The following ZAR1 variants were observed in gnomAD, a reference collection of about 807,000 sequenced individuals.
ZAR1 encodes zygote arrest protein 1.
In ZAR1, 37 loss-of-function variants were observed where a neutral mutation model predicts 38.3. That is an observed-to-expected ratio of 0.97 (90% confidence interval 0.74 to 1.27). The LOEUF (loss-of-function observed/expected upper bound fraction) is 1.27. Ranked by LOEUF, ZAR1 falls within the 50% of genes most tolerant of loss-of-function variation. The probability of loss-of-function intolerance (pLI) is 0.00; values close to 1 mark genes in which losing one functional copy is unlikely to be tolerated. For synonymous variants in ZAR1, 336 were observed against 292.0 expected, an observed-to-expected ratio of 1.15 and a Z score of -1.53; for missense variants, 651 against 632.4, an observed-to-expected ratio of 1.03 and a Z score of -0.32.
Position 48,494,106 on chromosome 4 carries a change from TAAAC to T in ZAR1, c.1142_1145del (p.Gln381ArgfsTer7). ...TCTGTATTTTTTTCCCCCAGAGTTG[TAAAC>T]AAACGAGATGTTCCTGCCCAGTAAA... is the stretch of plus-strand genomic sequence containing the variant. On this transcript the variant is annotated frameshift_variant, in exon 4 of 4. Coordinates refer to ENST00000327939, the MANE Select transcript of ZAR1 (RefSeq NM_175619.3). LOFTEE classifies it high-confidence loss of function. The T allele has an allele frequency of 6.2e-7, 1 of 1,612,844 alleles. No homozygotes were observed. The highest frequency in any genetic ancestry group is 8.5e-7 in the Non-Finnish European group (1 of 1,179,112).
At chr4:48,495,329 C>G (rs760098837), downstream of ZAR1, among the ~76,000 whole-genome samples, 12 of 152,188 alleles carry the variant, frequency 7.9e-5, no homozygotes, top group Non-Finnish European at 1.6e-4. Context: ...AACAAACATC[C>G]CACTTAAGTG....
chr4:48,494,990 T>TC (rs1718546741), downstream of ZAR1, among the ~76,000 whole-genome samples: 1 of 152,184 alleles, frequency 6.6e-6, no homozygotes, highest in Non-Finnish European at 1.5e-5. Flanking sequence ...GAATAACCTA[T>TC]CAAGTAGACT....
At chr4:48,491,332 T>A (rs1041379411) in intron 1 of ZAR1, 78 bp downstream of exon 1, 2 of 1,111,990 alleles carry the variant, frequency 1.8e-6, no homozygotes, top group Non-Finnish European at 2.3e-6. Flanking sequence ...TGTGACTGCT[T>A]CGGGCACTCG....
Position 48,490,696 on chromosome 4 carries a change from G to C in ZAR1, c.405G>C (p.Glu135Asp). The change falls in exon 1 of 4, where the codon GAG becomes GAC. Residue 135 changes from glutamate to aspartate, a missense_variant. Physicochemically the swap from Glu to Asp is conservative, Grantham distance 45 (BLOSUM62 2). Around this residue, in one of 2 missense-constraint regions of ZAR1, gnomAD observed 522 missense variants for 459.9 expected, o/e 1.14. Transcript: ENST00000327939. Reference protein sequence around the residue: ...RTLQRRARDPESPAGPGAEGT... With the variant: ...RTLQRRARDPDSPAGPGAEGT... ...TGCAGCGCCGGGCCCGCGACCCCGAGTCCCCGGCCGGCCCCGGGGCCGAGG... is the reference window on the plus strand; with the variant it reads ...TGCAGCGCCGGGCCCGCGACCCCGACTCCCCGGCCGGCCCCGGGGCCGAGG... The C allele has an allele frequency of 1.7e-5, 23 of 1,317,828 alleles. No individual in the cohort carries two copies. The highest frequency in any genetic ancestry group is 2.2e-5 in the Non-Finnish European group (23 of 1,038,504). 81.6% of individuals were successfully genotyped at this position (1,317,828 alleles called of 1,614,324 possible). A position where few individuals can be genotyped will look rare whatever the true frequency, so the allele number is the denominator to read the frequency against.
At chr4:48,493,081 T>C in intron 3 of ZAR1, 69 bp downstream of exon 3, 6 of 1,486,530 alleles carry the variant, frequency 4.0e-6, no homozygotes, top group Non-Finnish European at 5.6e-6. Flanking sequence ...AGTTTGAGTA[T>C]ACTTCCAAAA....
rs1245037574 is a variant in ZAR1, at chr4:48,490,396, G to T, written c.105G>T (p.Ala35=). 6.7e-7 allele frequency: 1 copy of T among 1,495,402 alleles called. No homozygotes were observed. The allele number at this position is 1,495,402 out of a possible 1,614,324, so 92.6% of individuals were successfully genotyped here. A position where few individuals can be genotyped will look rare whatever the true frequency, so the allele number is the denominator to read the frequency against. Residue 35 remains alanine, a synonymous_variant, in exon 1 of 4, where the codon GCG becomes GCT. Coordinates refer to ENST00000327939, the MANE Select transcript of ZAR1 (RefSeq NM_175619.3). ...PYPAATKGKG[A]AGGSWQQRGR... ...CCGCGGCCACCAAGGGCAAGGGCGC[G>T]GCGGGCGGCAGCTGGCAGCAGCGCG... is the stretch of plus-strand genomic sequence containing the variant.
rs761136047 is a variant in ZAR1 at position 48,494,086 on chromosome 4, AT to A, written c.1132-8del. 33 of 1,608,620 alleles carry A rather than the reference AT, an allele frequency of 2.1e-5. No homozygotes were observed. In the East Asian group the frequency reaches 3.6e-4, roughly 17 times the overall value. ...GTTTATCTTCTGCATGCCCTTCTGT[AT>A]TTTTTTCCCCCAGAGTTGTAAACAA... On this transcript the variant is annotated splice_polypyrimidine_tract_variant and intron_variant, in intron 3 of 3. Coordinates refer to ENST00000327939, the MANE Select transcript of ZAR1 (RefSeq NM_175619.3).
At chr4:48,491,283 G>A in intron 1 of ZAR1, 29 bp downstream of exon 1, 1 of 1,227,356 alleles carries the variant, frequency 8.1e-7, no homozygotes, top group Non-Finnish European at 1.0e-6. Flanking sequence ...AGGGCACAGG[G>A]GAGCCCGGGG....
rs1363734654 is a variant in ZAR1 at position 48,490,548 on chromosome 4, T to C, written c.257T>C (p.Leu86Pro). Residue 86 changes from leucine (L) to proline (P), a missense_variant, in exon 1 of 4, where the codon CTC becomes CCC. This residue lies in a region of ZAR1 where 522 missense variants were observed against 459.9 expected (regional missense o/e 1.14). Coordinates refer to ENST00000327939, the MANE Select transcript of ZAR1 (RefSeq NM_175619.3). ...DSYQRERLMA[L>P]LAQVGPGLGP... ...TACCAGCGGGAGCGGCTCATGGCTC[T>C]CCTGGCGCAGGTGGGGCCGGGTCTC... 1.6e-5 allele frequency: 23 copies of C among 1,446,738 alleles called. No individual in the cohort carries two copies. The East Asian group carries it at 6.5e-4, about 41-fold the overall frequency. The allele number at this position is 1,446,738 out of a possible 1,614,324, so 89.6% of individuals were successfully genotyped here.
Position 48,490,832 on chromosome 4 carries a change from G to A in ZAR1, c.541G>A (p.Val181Met). The change falls in exon 1 of 4, where the codon GTG (valine) becomes ATG (methionine). Residue 181 changes from valine to methionine, a missense_variant. By Grantham distance (21) the Val-to-Met change is conservative. Coordinates refer to ENST00000327939, the MANE Select transcript of ZAR1 (RefSeq NM_175619.3). ...CATGCGCTTCCCGCGCACCGTCGCC[G>A]TGTACTCGCCCCTGGCCTTGCGCCG... ...RPMRFPRTVA[V>M]YSPLALRRLT... is the part of the protein sequence containing the mutation. 1.3e-6 allele frequency: 2 copies of A among 1,504,380 alleles called. No individual in the cohort carries two copies. Among genetic ancestry groups the A allele is most frequent in the African/African-American group, 1.4e-5 (1 of 69,798 alleles). 93.2% of individuals were successfully genotyped at this position (1,504,380 alleles called of 1,614,324 possible).
Position 48,490,711 on chromosome 4 carries a change from CG to C in ZAR1, c.424del (p.Ala142ProfsTer137). The C allele has an allele frequency of 1.5e-6, 2 of 1,336,210 alleles. No homozygotes were observed. The highest frequency in any genetic ancestry group is 9.5e-7 in the Non-Finnish European group (1 of 1,048,064). The allele number at this position is 1,336,210 out of a possible 1,614,324, so 82.8% of individuals were successfully genotyped here. ...ARDPESPAGP[G>X]AEGTTGGGSF... ...GCGACCCCGAGTCCCCGGCCGGCCC[CG>C]GGGCCGAGGGCACCACGGGTGGCGG... On this transcript the variant is annotated frameshift_variant, in exon 1 of 4. Coordinates refer to ENST00000327939, the MANE Select transcript of ZAR1 (RefSeq NM_175619.3). LOFTEE classifies it high-confidence loss of function.
In ZAR1 at chr4:48,490,718, G is replaced by T; in HGVS notation, c.427G>T (p.Glu143Ter). The T allele has an allele frequency of 4.5e-6, 6 of 1,346,912 alleles. No homozygotes were observed. The highest frequency in any genetic ancestry group is 5.7e-6 in the Non-Finnish European group (6 of 1,053,532). The allele number at this position is 1,346,912 out of a possible 1,614,324, so 83.4% of individuals were successfully genotyped here. ...DPESPAGPGA[E>*]GTTGGGSFSQ... ...CGAGTCCCCGGCCGGCCCCGGGGCC[G>T]AGGGCACCACGGGTGGCGGCTCTTT... The change falls in exon 1 of 4, where the codon GAG (glutamate) becomes TAG (stop). Residue 143 changes from glutamate to a stop codon, truncating the protein, a stop_gained. Transcript: ENST00000327939. LOFTEE classifies it high-confidence loss of function.
chr4:48,491,208 C>T lies in ZAR1; in HGVS notation c.917C>T (p.Pro306Leu). Reference sequence around the variant, plus strand: ...GAGGCGGCCGTCGCGGGAGAGGGGCCGTCGCCACGGAGCCCGGAGCTGGGC... The same window carrying T: ...GAGGCGGCCGTCGCGGGAGAGGGGCTGTCGCCACGGAGCCCGGAGCTGGGC... ...GREAAVAGEGPSPRSPELGKE... is the reference protein window; with the variant it reads ...GREAAVAGEGLSPRSPELGKE... The change falls in exon 1 of 4, where the codon CCG (proline) becomes CTG (leucine). Residue 306 changes from proline (P) to leucine (L), a missense_variant. By Grantham distance (98) the Pro-to-Leu change is moderately conservative. Transcript: ENST00000327939. 1 of 1,233,826 alleles carries T rather than the reference C, an allele frequency of 8.1e-7. No homozygotes were observed. The highest frequency in any genetic ancestry group is 1.0e-6 in the Non-Finnish European group (1 of 989,082). The allele number at this position is 1,233,826 out of a possible 1,614,324, so 76.4% of individuals were successfully genotyped here. A position where few individuals can be genotyped will look rare whatever the true frequency, so the allele number is the denominator to read the frequency against.
chr4:48,497,155 T>C (rs1057215898), downstream of ZAR1, among the ~76,000 whole-genome samples: 1 of 152,166 alleles, frequency 6.6e-6, no homozygotes, highest in Non-Finnish European at 1.5e-5. Context: ...TATTTAAAAA[T>C]GATAAATTTA....
Position 48,490,831 on chromosome 4 carries a change from C to G in ZAR1, c.540C>G (p.Ala180=), listed in dbSNP as rs1162233289. The G allele has an allele frequency of 1.3e-6, 2 of 1,505,404 alleles. No homozygotes were observed. The highest frequency in any genetic ancestry group is 1.8e-6 in the Non-Finnish European group (2 of 1,135,294). The allele number at this position is 1,505,404 out of a possible 1,614,324, so 93.3% of individuals were successfully genotyped here. Residue 180 remains alanine (A), a synonymous_variant, in exon 1 of 4, where the codon GCC becomes GCG. Transcript: ENST00000327939. ...PRPMRFPRTV[A]VYSPLALRRL... ...CCATGCGCTTCCCGCGCACCGTCGC[C>G]GTGTACTCGCCCCTGGCCTTGCGCC...
intron 1 of ZAR1, among the ~76,000 whole-genome samples, chr4:48,492,267 A>C (rs1718463730): frequency 6.6e-6 from 1 of 152,178 alleles, no homozygotes; most frequent in Non-Finnish European, 1.5e-5. Flanking sequence ...AAGTAACACT[A>C]CTTTTGTTCA....
In ZAR1 at chr4:48,494,348, T is replaced by C. The variant is rs1333163867; in HGVS notation, c.*104T>C. ...TCTCAAAATACTTCATGAAAGGCAG[T>C]GTATTCTGAAAAAGCCTTCAAATAA... On this transcript the variant is annotated 3_prime_UTR_variant, in exon 4 of 4. Transcript: ENST00000327939. 2 of 1,449,168 alleles carry C rather than the reference T, an allele frequency of 1.4e-6. No individual in the cohort carries two copies. The highest frequency in any genetic ancestry group is 1.4e-5 in the African/African-American group (1 of 70,726). 89.8% of individuals were successfully genotyped at this position (1,449,168 alleles called of 1,614,324 possible). A position where few individuals can be genotyped will look rare whatever the true frequency, so the allele number is the denominator to read the frequency against.
chr4:48,490,364 C>A lies in ZAR1; in HGVS notation c.73C>A (p.Pro25Thr). ...PACPPCSYRY[P>T]YPAATKGKGA... is the part of the protein sequence containing the mutation. ...GTGCCCCCCCTGCTCGTACCGGTACCCATACCCCGCGGCCACCAAGGGCAA... is the reference window on the plus strand; with the variant it reads ...GTGCCCCCCCTGCTCGTACCGGTACACATACCCCGCGGCCACCAAGGGCAA... Residue 25 changes from proline to threonine, a missense_variant, in exon 1 of 4, where the codon CCA (proline) becomes ACA (threonine). This residue lies in a region of ZAR1 where 522 missense variants were observed against 459.9 expected (regional missense o/e 1.14). Coordinates refer to ENST00000327939, the MANE Select transcript of ZAR1 (RefSeq NM_175619.3). 2 of 1,507,326 alleles carry A rather than the reference C, an allele frequency of 1.3e-6. No individual in the cohort carries two copies. The highest frequency in any genetic ancestry group is 1.4e-5 in the African/African-American group (1 of 69,308). 93.4% of individuals were successfully genotyped at this position (1,507,326 alleles called of 1,614,324 possible).
chr4:48,493,774 T>G (rs1718509913), intron 3 of ZAR1, among the ~76,000 whole-genome samples: 1 of 152,246 alleles, frequency 6.6e-6, no homozygotes, highest in African/African-American at 2.4e-5. Context: ...AGAGGATGCC[T>G]TAACCACTCT....
Sources: gnomAD v4.1 joint callset for allele counts (sites outside exome capture counted in the v4.1 genomes callset) on GRCh38, gnomAD v4.1.1 for gene constraint, gnomAD v4.1.1 regional missense constraint, MANE v1.5 for transcripts, NCBI Gene and HGNC (gene_info 2026-07-23, HGNC 2026-07-21) for gene names.